Variants in AFMID observed in about 807,000 individuals in gnomAD.
AFMID encodes arylformamidase, also known as kynurenine formamidase.
In AFMID, 39 loss-of-function variants were observed where a neutral mutation model predicts 47.5. The observed-to-expected ratio is 0.82, with a 90% confidence interval of 0.64 to 1.07. The LOEUF (loss-of-function observed/expected upper bound fraction) is 1.07, where lower values mean the gene tolerates loss of function less well. Among genes scored for constraint, AFMID ranks in the 50% least tolerant of loss-of-function variants. AFMID has a pLI of 0.00. For missense variants in AFMID, 375 were observed against 387.5 expected, an observed-to-expected ratio of 0.97 and a Z score of 0.27; for synonymous variants, 130 against 153.2, an observed-to-expected ratio of 0.85 and a Z score of 1.12.
intron 1 of AFMID, among the ~76,000 whole-genome samples, chr17:78,188,544 C>T (rs1381052412): frequency 1.3e-5 from 2 of 151,530 alleles, no homozygotes; most frequent in African/African-American, 4.9e-5. Flanking sequence ...CTCAGCCTCC[C>T]GAGTGGCTGG....
In AFMID at chr17:78,203,026, G is replaced by A. The variant is rs543351605; in HGVS notation, c.308+275G>A. 11 of 412,816 alleles carry A rather than the reference G, an allele frequency of 2.7e-5. No homozygotes were observed. The East Asian group carries it at 4.1e-4, about 16-fold the overall frequency. 25.6% of individuals were successfully genotyped at this position (412,816 alleles called of 1,614,324 possible). The stretch of plus-strand genomic sequence containing the variant: ...CTGCCTCCATTCACATGTGATCCTG[G>A]TGTTCCTGGGTCTCAAATCTTCCTC... On this transcript the variant is annotated intron_variant, in intron 4 of 10. Coordinates refer to ENST00000409257, the MANE Select transcript of AFMID (RefSeq NM_001010982.5).
chr17:78,191,293 A>G (rs1009682620), intron 2 of AFMID, among the ~76,000 whole-genome samples: 1 of 152,150 alleles, frequency 6.6e-6, no homozygotes, highest in African/African-American at 2.4e-5. Flanking sequence ...TCAGTCGACC[A>G]TGCCTGGCCT....
At position 78,207,273 on chromosome 17, in the gene AFMID, C is replaced by CTTTT. The variant is rs1163959276; in HGVS notation, c.*361_*364dup. 105 of 85,426 alleles carry CTTTT rather than the reference C, an allele frequency of 1.2e-3. 6 individuals are homozygous for CTTTT. The highest frequency in any genetic ancestry group is 8.1e-3 in the East Asian group (15 of 1,850). 5.3% of individuals were successfully genotyped at this position (85,426 alleles called of 1,614,324 possible). ...ACGCTCAAAAGTAATGCCATTACTT[C>CTTTT]TTTTTTTTTTTTTTTTTTTTTTTTT... On this transcript the variant is annotated 3_prime_UTR_variant, in exon 11 of 11. Transcript: ENST00000409257.
In AFMID at chr17:78,202,714, T is replaced by C. The variant is rs755690024; in HGVS notation, c.271T>C (p.Phe91Leu). 1.3e-6 allele frequency: 2 copies of C among 1,559,464 alleles called. No homozygotes were observed. The change falls in exon 4 of 11, where the codon TTC becomes CTC. Residue 91 changes from phenylalanine (F) to leucine (L), a missense_variant. Transcript: ENST00000409257. ...PDESSEALPF[F>L]LFFHGGYWQS... ...GCTTGGTTTTGCAGCCTTGCCTTTC[T>C]TCCTGTTCTTTCACGGAGGATACTG... is the stretch of plus-strand genomic sequence containing the variant.
rs1179147408 is a variant in AFMID at position 78,204,805 on chromosome 17, C to A, written c.395-23C>A. On this transcript the variant is annotated intron_variant, in intron 5 of 10. Coordinates refer to ENST00000409257, the MANE Select transcript of AFMID (RefSeq NM_001010982.5). ...GCTTTAGGAGGAAGTGCATCCCTGACCCAGCTCATGCTCTCTGTGCAGGCA... is the reference window on the plus strand; with the variant it reads ...GCTTTAGGAGGAAGTGCATCCCTGAACCAGCTCATGCTCTCTGTGCAGGCA... 3 of 1,614,072 alleles carry A rather than the reference C, an allele frequency of 1.9e-6. No individual in the cohort carries two copies. In the African/African-American group the frequency reaches 4.0e-5, roughly 22 times the overall value.
chr17:78,187,434 G>A lies in AFMID; in HGVS notation c.63+1G>A. ...TCCTTGGAAGAAGATGTCTGCAGAG[G>A]TAGGTGGATTGCAGGGAGGGACTAA... is the stretch of plus-strand genomic sequence containing the variant. On this transcript the variant is annotated splice_donor_variant, in intron 1 of 10. Coordinates refer to ENST00000409257, the MANE Select transcript of AFMID (RefSeq NM_001010982.5). LOFTEE classifies it high-confidence loss of function. The A allele has an allele frequency of 1.2e-5, 20 of 1,613,990 alleles. No individual in the cohort carries two copies. The highest frequency in any genetic ancestry group is 1.7e-5 in the Non-Finnish European group (20 of 1,179,966).
chr17:78,202,879 C>T (rs2076283332), intron 4 of AFMID, 128 bp downstream of exon 4: 3 of 1,147,142 alleles, frequency 2.6e-6, no homozygotes, highest in South Asian at 1.4e-5. Context: ...TGTCTCACAG[C>T]GCTGGAGAAC....
chr17:78,187,434 GT>G lies in AFMID; in HGVS notation c.63+2del. On this transcript the variant is annotated splice_donor_variant, in intron 1 of 10. Transcript: ENST00000409257. LOFTEE classifies it high-confidence loss of function. ...TCCTTGGAAGAAGATGTCTGCAGAG[GT>G]AGGTGGATTGCAGGGAGGGACTAAG... The G allele has an allele frequency of 6.2e-7, 1 of 1,613,990 alleles. No homozygotes were observed. Among genetic ancestry groups the G allele is most frequent in the Non-Finnish European group, 8.5e-7 (1 of 1,179,966 alleles).
chr17:78,199,606 C>G (rs1057501907), intron 2 of AFMID, among the ~76,000 whole-genome samples: 37 of 152,142 alleles, frequency 2.4e-4, no homozygotes, highest in African/African-American at 8.7e-4. Flanking sequence ...AATGCCTGAC[C>G]TTGTGGTCCA....
At chr17:78,192,489 T>A (rs2075998145) in intron 2 of AFMID, 1 of 361,382 alleles carries the variant, frequency 2.8e-6, no homozygotes, top group South Asian at 2.1e-5. Flanking sequence ...TAATTTTGTA[T>A]TTTTAGTAGA....
Position 78,200,634 on chromosome 17 carries a change from G to C in AFMID, c.155-1865G>C, listed in dbSNP as rs191262184. Among the ~76,000 whole-genome samples, 317 of 152,306 alleles carry C rather than the reference G, an allele frequency of 2.1e-3. 1 individual carries two copies. Among genetic ancestry groups the C allele is most frequent in the Non-Finnish European group, 3.5e-3 (238 of 68,014 alleles). ...GGGAAGAGGCAGAGGTGACTGGAGT[G>C]ACGTAGCCCCAGGCCTTGGAACGCC... On this transcript the variant is annotated intron_variant, in intron 2 of 10. Coordinates refer to ENST00000409257, the MANE Select transcript of AFMID (RefSeq NM_001010982.5).
chr17:78,196,800 C>T (rs116030521), intron 2 of AFMID, among the ~76,000 whole-genome samples: 1 of 152,246 alleles, frequency 6.6e-6, no homozygotes, highest in African/African-American at 2.4e-5. Context: ...TAAATAATAG[C>T]AATGAAGCTT....
intron 2 of AFMID, chr17:78,192,895 G>A: frequency 3.7e-6 from 1 of 273,902 alleles, no homozygotes; most frequent in Non-Finnish European, 7.4e-6. Context: ...TTTCTAAGCG[G>A]AGAGAACCCA....
At chr17:78,199,786 G>A (rs917220117) in intron 2 of AFMID, among the ~76,000 whole-genome samples, 1 of 152,196 alleles carries the variant, frequency 6.6e-6, no homozygotes, top group Non-Finnish European at 1.5e-5. Context: ...TGAGATGCAG[G>A]TTCTACAGGG....
intron 2 of AFMID, among the ~76,000 whole-genome samples, chr17:78,195,626 C>T (rs2076093181): frequency 6.6e-6 from 1 of 151,938 alleles, no homozygotes; most frequent in African/African-American, 2.4e-5. Flanking sequence ...CCTTGGCCTC[C>T]CAAGTAGCTG....
chr17:78,204,127 C>T (rs2076316468), intron 4 of AFMID: 1 of 158,292 alleles, frequency 6.3e-6, no homozygotes, highest in South Asian at 1.8e-4. Context: ...AACATAATTG[C>T]CTCTATTTTA....
chr17:78,206,851 A>G (rs2076397328), intron 10 of AFMID, 60 bp from the exon 11 acceptor site: 9 of 1,596,794 alleles, frequency 5.6e-6, no homozygotes, highest in Non-Finnish European at 7.7e-6. Flanking sequence ...TTCCTTAATC[A>G]AATTCCTGCA....
intron 7 of AFMID, 79 bp from the exon 8 acceptor site, chr17:78,205,361 C>T: frequency 6.5e-7 from 1 of 1,537,554 alleles, no homozygotes; most frequent in East Asian, 2.2e-5. Context: ...CTGGTCCTGC[C>T]CCTCTGGCGG....
rs184435043 is a variant in AFMID at position 78,194,757 on chromosome 17, C to T, written c.154+3697C>T. On this transcript the variant is annotated intron_variant, in intron 2 of 10. Transcript: ENST00000409257. ...TGTCCAGGCTTGGAGTGCAATGGCGCAATCTCGGCTCACCGCAACCTCCGC... is the reference window on the plus strand; with the variant it reads ...TGTCCAGGCTTGGAGTGCAATGGCGTAATCTCGGCTCACCGCAACCTCCGC... 1.1e-3 allele frequency among the ~76,000 whole-genome samples: 174 copies of T among 152,124 alleles called. 3 individuals are homozygous for T. Among genetic ancestry groups the T allele is most frequent in the South Asian group, 5.0e-3 (24 of 4,822 alleles).
Sources: gnomAD v4.1 joint callset for allele counts (sites outside exome capture counted in the v4.1 genomes callset) on GRCh38, gnomAD v4.1.1 for gene constraint, MANE v1.5 for transcripts, NCBI Gene and HGNC (gene_info 2026-07-23, HGNC 2026-07-21) for gene names.